CHODL: variants seen among roughly 807,000 people sequenced by gnomAD.
CHODL encodes the protein chondrolectin.
A neutral mutation model predicts 34.5 loss-of-function variants in CHODL; 29 were observed. The observed-to-expected ratio is 0.84, with a 90% confidence interval of 0.63 to 1.15. The LOEUF (loss-of-function observed/expected upper bound fraction) is 1.15. Ranked by LOEUF, CHODL falls within the 50% of genes most tolerant of loss-of-function variation. The probability of loss-of-function intolerance (pLI) is 0.00; values close to 1 mark genes in which losing one functional copy is unlikely to be tolerated. For missense variants in CHODL, 332 were observed against 332.5 expected, an observed-to-expected ratio of 1.00 and a Z score of 0.01; for synonymous variants, 125 against 116.1, an observed-to-expected ratio of 1.08 and a Z score of -0.49.
At chr21:18,166,604 G>A (rs559336496) in intron 2 of CHODL, among the ~76,000 whole-genome samples, 3 of 152,136 alleles carry the variant, frequency 2.0e-5, no homozygotes, top group South Asian at 2.1e-4. Context: ...ATGTGAGTAC[G>A]TCTGTCTGAT....
intron 2 of CHODL, among the ~76,000 whole-genome samples, chr21:18,224,597 G>A (rs552602471): frequency 3.3e-5 from 5 of 152,120 alleles, no homozygotes; most frequent in African/African-American, 1.2e-4. Context: ...ATAGTCTCTG[G>A]GATTTAAATT....
intron 1 of CHODL, among the ~76,000 whole-genome samples, chr21:17,944,993 A>G (rs1476468677): frequency 6.6e-6 from 1 of 152,140 alleles, no homozygotes; most frequent in Non-Finnish European, 1.5e-5. Context: ...GGTGGATCAC[A>G]GGGTCCGGAG....
At chr21:18,070,241 T>A (rs116528691) in intron 2 of CHODL, among the ~76,000 whole-genome samples, 27 of 151,790 alleles carry the variant, frequency 1.8e-4, no homozygotes, top group African/African-American at 4.3e-4. Context: ...AAACTTTTTT[T>A]AAAAAAGTTC....
chr21:18,082,370 T>C (rs1420479441), intron 2 of CHODL, among the ~76,000 whole-genome samples: 2 of 152,218 alleles, frequency 1.3e-5, no homozygotes, highest in East Asian at 3.8e-4. Flanking sequence ...CTCAGGTAGT[T>C]CTTTATAGAA....
chr21:18,000,641 T>C (rs1454954900), intron 1 of CHODL, among the ~76,000 whole-genome samples: 1 of 152,200 alleles, frequency 6.6e-6, no homozygotes, highest in Non-Finnish European at 1.5e-5. Context: ...TTGTGAACTT[T>C]AAAAACTTCC....
At chr21:18,118,114 T>A (rs558341296) in intron 2 of CHODL, among the ~76,000 whole-genome samples, 1 of 152,318 alleles carries the variant, frequency 6.6e-6, no homozygotes, top group African/African-American at 2.4e-5. Flanking sequence ...ATGTTTAAAG[T>A]ACATTTTAAT....
rs537358031 is a variant in CHODL at position 18,165,641 on chromosome 21, G to A, written c.-44-90868G>A. ...AGTCCCTCAAAAAGGAGGGAGCCAC[G>A]TGGAGCCAAATTGCTCCTCAGAACC... On this transcript the variant is annotated intron_variant, in intron 2 of 6. Coordinates refer to the CHODL transcript ENST00000400127. Among the ~76,000 whole-genome samples the A allele has an allele frequency of 3.9e-5, 6 of 152,278 alleles. No homozygotes were observed. In the East Asian group the frequency reaches 5.8e-4, roughly 15 times the overall value.
intron 2 of CHODL, among the ~76,000 whole-genome samples, chr21:18,058,808 C>T (rs1481606603): frequency 6.6e-6 from 1 of 152,144 alleles, no homozygotes; most frequent in Non-Finnish European, 1.5e-5. Flanking sequence ...TATACAACTC[C>T]CTTTTTGCCT....
At chr21:18,126,920 A>C (rs1412469254) in intron 2 of CHODL, among the ~76,000 whole-genome samples, 2 of 152,240 alleles carry the variant, frequency 1.3e-5, no homozygotes, top group Non-Finnish European at 2.9e-5. Context: ...AAATCCTGGA[A>C]TACTCAGCTC....
chr21:17,956,005 G>C (rs962783385), intron 1 of CHODL, among the ~76,000 whole-genome samples: 2 of 136,680 alleles, frequency 1.5e-5, no homozygotes, highest in Non-Finnish European at 3.3e-5. Context: ...AACTTTCAGG[G>C]AGTCTTTTCA....
In CHODL at chr21:18,122,438, G is replaced by A. The variant is rs150397860; in HGVS notation, c.-45+94467G>A. ...AAGGGGAAAGTTAGCATATTGTTGCGCCATTTTCTGGAAGAAATTATCTGT... is the reference window on the plus strand; with the variant it reads ...AAGGGGAAAGTTAGCATATTGTTGCACCATTTTCTGGAAGAAATTATCTGT... On this transcript the variant is annotated intron_variant, in intron 2 of 6. Coordinates refer to the CHODL transcript ENST00000400127. Among the ~76,000 whole-genome samples, 689 of 152,164 alleles carry A rather than the reference G, an allele frequency of 4.5e-3. 9 individuals carry two copies. Among genetic ancestry groups the A allele is most frequent in the African/African-American group, 0.014 (597 of 41,510 alleles).
intron 2 of CHODL, among the ~76,000 whole-genome samples, chr21:18,238,828 C>T (rs965827704): frequency 6.6e-6 from 1 of 152,082 alleles, no homozygotes; most frequent in African/African-American, 2.4e-5. Context: ...TTGTATTATT[C>T]AACATCATAA....
At chr21:18,003,044 A>AC (rs1271412261) in intron 1 of CHODL, among the ~76,000 whole-genome samples, 2 of 148,278 alleles carry the variant, frequency 1.3e-5, no homozygotes, top group African/African-American at 5.0e-5. Flanking sequence ...AATGGCGTGA[A>AC]CCCCGGGGGG....
At chr21:18,147,716 A>C (rs1024342724) in intron 2 of CHODL, among the ~76,000 whole-genome samples, 1 of 152,180 alleles carries the variant, frequency 6.6e-6, no homozygotes, top group African/African-American at 2.4e-5. Context: ...GTGTGGAAGG[A>C]GCCATAGACA....
intron 1 of CHODL, among the ~76,000 whole-genome samples, chr21:17,918,016 A>G (rs921308632): frequency 6.6e-6 from 1 of 152,142 alleles, no homozygotes; most frequent in African/African-American, 2.4e-5. Flanking sequence ...TGAAAGTTTT[A>G]GTAGGTAAAC....
intron 1 of CHODL, among the ~76,000 whole-genome samples, chr21:17,959,405 A>T (rs976264095): frequency 1.3e-5 from 2 of 152,174 alleles, no homozygotes; most frequent in Non-Finnish European, 2.9e-5. Flanking sequence ...GTGAGGACAT[A>T]GTTTAAAATT....
At chr21:18,128,643 A>G (rs2072612325) in intron 2 of CHODL, among the ~76,000 whole-genome samples, 1 of 152,130 alleles carries the variant, frequency 6.6e-6, no homozygotes, top group Middle Eastern at 3.2e-3. Context: ...GATCAATAAA[A>G]TGTGTAATTT....
At chr21:17,992,718 G>GTTTTT (rs869044440) in intron 1 of CHODL, among the ~76,000 whole-genome samples, 702 of 56,360 alleles carry the variant, frequency 0.012, 33 homozygotes, top group East Asian at 0.021. Context: ...TGGTGGAGTT[G>GTTTTT]TTTTTTTTTT....
intron 2 of CHODL, among the ~76,000 whole-genome samples, chr21:18,176,349 A>G (rs925202841): frequency 1.3e-5 from 2 of 152,210 alleles, no homozygotes; most frequent in African/African-American, 4.8e-5. Flanking sequence ...TCATAAAATC[A>G]AAGGCTAGAG....
Sources: allele counts gnomAD v4.1 joint callset (sites outside exome capture counted in the v4.1 genomes callset), GRCh38; gene constraint gnomAD v4.1.1; transcripts MANE v1.5; gene names NCBI Gene and HGNC (gene_info 2026-07-23, HGNC 2026-07-21).